DLG2: variants seen among roughly 807,000 people sequenced by gnomAD.
DLG2 encodes discs large MAGUK scaffold protein 2.
DLG2 carries 45 observed loss-of-function variants against 132.5 expected under a neutral mutation model. The ratio of observed to expected loss-of-function variants is 0.34; its 90% CI spans 0.27 to 0.44. The LOEUF (loss-of-function observed/expected upper bound fraction) is 0.44. Among genes scored for constraint, DLG2 ranks in the 20% least tolerant of loss-of-function variants. The pLI, the probability that DLG2 is intolerant of heterozygous loss-of-function variation, is 1.00. For synonymous variants in DLG2, 424 were observed against 419.6 expected (o/e 1.01, Z -0.13); for missense variants, 1,045 against 1,196.9 (o/e 0.87, Z 1.87).
chr11:83,590,841 C>T (rs1032509002), intron 19 of DLG2, among the ~76,000 whole-genome samples: 8 of 151,950 alleles, frequency 5.3e-5, no homozygotes, highest in African/African-American at 1.7e-4. Flanking sequence ...TACAAACTAC[C>T]ATCAGAGAAT....
chr11:83,803,647 C>T (rs1423212506), intron 17 of DLG2, among the ~76,000 whole-genome samples: 1 of 152,108 alleles, frequency 6.6e-6, no homozygotes, highest in Non-Finnish European at 1.5e-5. Context: ...ATAATATTCA[C>T]TAATTTGGTT....
chr11:83,582,942 G>A (rs756495804), intron 19 of DLG2, among the ~76,000 whole-genome samples: 14 of 152,160 alleles, frequency 9.2e-5, no homozygotes, highest in Non-Finnish European at 1.9e-4. Context: ...AATAGAGGAA[G>A]AAATGAAGAT....
chr11:84,052,700 A>C (rs1789094280), intron 11 of DLG2, among the ~76,000 whole-genome samples: 3 of 151,840 alleles, frequency 2.0e-5, no homozygotes, highest in Non-Finnish European at 2.9e-5. Context: ...AAAAAAAAAA[A>C]AAAAAACAGA....
chr11:84,910,650 C>T lies in DLG2; in HGVS notation c.357+201011G>A, dbSNP rs182497510. Reference sequence around the variant, plus strand: ...GAATTTGGCCAGGTGCAGTGGCTCACGCCTATAATCCCAGCTGTCAGGGAG... The same window carrying T: ...GAATTTGGCCAGGTGCAGTGGCTCATGCCTATAATCCCAGCTGTCAGGGAG... On this transcript the variant is annotated intron_variant, in intron 6 of 27. Transcript: ENST00000376104. Among the ~76,000 whole-genome samples, 58 of 152,210 alleles carry T rather than the reference C, an allele frequency of 3.8e-4. No individual in the cohort carries two copies. The East Asian group carries it at 5.2e-3, about 14-fold the overall frequency.
chr11:85,051,077 T>G (rs1203709078), intron 6 of DLG2, among the ~76,000 whole-genome samples: 2 of 152,138 alleles, frequency 1.3e-5, no homozygotes, highest in Non-Finnish European at 2.9e-5. Flanking sequence ...TCATGCTTCT[T>G]AAACAGGGTA....
At position 84,829,528 on chromosome 11, in the gene DLG2, G is replaced by A. The variant is rs530899106; in HGVS notation, c.357+282133C>T. On this transcript the variant is annotated intron_variant, in intron 6 of 27. Transcript: ENST00000376104. ...TTACATTATTCTTAGATATGGAAAGGCAGCGTAGTAAAGTGGAAAGACCAC... is the reference window on the plus strand; with the variant it reads ...TTACATTATTCTTAGATATGGAAAGACAGCGTAGTAAAGTGGAAAGACCAC... 6.3e-4 allele frequency among the ~76,000 whole-genome samples: 96 copies of A among 151,806 alleles called. 1 individual carries two copies. In the Middle Eastern group the frequency reaches 0.01, roughly 16 times the overall value.
At chr11:84,375,064 C>T (rs1037261705) in intron 7 of DLG2, among the ~76,000 whole-genome samples, 2 of 152,118 alleles carry the variant, frequency 1.3e-5, no homozygotes, top group Admixed American at 1.3e-4. Context: ...GTTACTACCT[C>T]GAGAAACTCT....
At chr11:85,517,359 C>A (rs904778016) in intron 3 of DLG2, among the ~76,000 whole-genome samples, 2 of 152,100 alleles carry the variant, frequency 1.3e-5, no homozygotes, top group Admixed American at 6.6e-5. Context: ...GGCATTCCCC[C>A]TAAAACTGAA....
chr11:83,714,042 T>A (rs1465227661), intron 18 of DLG2, among the ~76,000 whole-genome samples: 1 of 152,200 alleles, frequency 6.6e-6, no homozygotes, highest in East Asian at 1.9e-4. Context: ...GGGACATATT[T>A]TTCTACTAAG....
intron 3 of DLG2, among the ~76,000 whole-genome samples, chr11:85,423,593 G>C (rs1188600852): frequency 6.6e-6 from 1 of 152,132 alleles, no homozygotes; most frequent in Non-Finnish European, 1.5e-5. Flanking sequence ...CTCCTTGGGC[G>C]GGTCTTGCTG....
intron 3 of DLG2, among the ~76,000 whole-genome samples, chr11:85,494,832 T>G (rs1260249477): frequency 6.6e-6 from 1 of 151,592 alleles, no homozygotes; most frequent in Non-Finnish European, 1.5e-5. Flanking sequence ...AACATTAGAT[T>G]GTAGAATATT....
intron 14 of DLG2, among the ~76,000 whole-genome samples, chr11:83,943,933 C>T (rs2083236155): frequency 1.3e-5 from 2 of 152,102 alleles, no homozygotes; most frequent in African/African-American, 4.8e-5. Context: ...TTAAGATCTA[C>T]CTTATAGGAC....
chr11:84,499,485 T>C (rs570098940), intron 7 of DLG2, among the ~76,000 whole-genome samples: 22 of 152,320 alleles, frequency 1.4e-4, no homozygotes, highest in Non-Finnish European at 2.5e-4. Context: ...AGTGGGAAGC[T>C]CTGCATAATC....
intron 14 of DLG2, among the ~76,000 whole-genome samples, chr11:83,934,706 C>A (rs1565705470): frequency 1.3e-5 from 2 of 152,170 alleles, no homozygotes; most frequent in Non-Finnish European, 2.9e-5. Context: ...CTGTCTCAGG[C>A]AGGGACCTCA....
intron 3 of DLG2, among the ~76,000 whole-genome samples, chr11:85,346,686 G>A (rs550788199): frequency 6.6e-6 from 1 of 152,216 alleles, no homozygotes; most frequent in Admixed American, 6.5e-5. Context: ...ATGCAGCCCA[G>A]CAAGTCCTAG....
chr11:85,485,400 A>G (rs766762149), intron 3 of DLG2, among the ~76,000 whole-genome samples: 3 of 152,192 alleles, frequency 2.0e-5, no homozygotes, highest in Non-Finnish European at 4.4e-5. Context: ...GCAAATTGTG[A>G]CATCAAAAAT....
chr11:84,049,488 C>T (rs900805670), intron 11 of DLG2, among the ~76,000 whole-genome samples: 4 of 151,760 alleles, frequency 2.6e-5, no homozygotes, highest in African/African-American at 4.8e-5. Flanking sequence ...TGAGCCATTC[C>T]TTTTCCCCTT....
At chr11:84,567,922 T>C (rs2099463759) in intron 6 of DLG2, among the ~76,000 whole-genome samples, 1 of 152,178 alleles carries the variant, frequency 6.6e-6, no homozygotes, top group Non-Finnish European at 1.5e-5. Flanking sequence ...CTAACTGTGC[T>C]GCTCCTCCCA....
intron 6 of DLG2, among the ~76,000 whole-genome samples, chr11:84,575,750 T>C (rs2099498245): frequency 1.3e-5 from 2 of 152,230 alleles, no homozygotes; most frequent in Admixed American, 6.5e-5. Flanking sequence ...TGTCACTTTG[T>C]TGTCCTATCA....
Sources: allele counts gnomAD v4.1 joint callset (sites outside exome capture counted in the v4.1 genomes callset), GRCh38; gene constraint gnomAD v4.1.1; transcripts MANE v1.5; gene names NCBI Gene and HGNC (gene_info 2026-07-23, HGNC 2026-07-21).